LYRM4: variants seen among roughly 807,000 people sequenced by gnomAD.
LYRM4 encodes LYR motif containing 4.
Under a neutral mutation model 11.7 loss-of-function variants are expected in LYRM4, and 9 were observed. The observed-to-expected ratio is 0.77, with a 90% CI of 0.46 to 1.34. LYRM4 has a LOEUF of 1.34. Among genes scored for constraint, LYRM4 ranks in the 40% most tolerant of loss-of-function variants. The pLI, the probability that LYRM4 is intolerant of heterozygous loss-of-function variation, is 0.00. For synonymous variants in LYRM4, 42 were observed against 40.4 expected, an observed-to-expected ratio of 1.04 and a Z score of -0.15; for missense variants, 133 against 112.5, an observed-to-expected ratio of 1.18 and a Z score of -0.82.
At chr6:5,182,172 T>TC (rs1308104392) in intron 2 of LYRM4, among the ~76,000 whole-genome samples, 1 of 152,226 alleles carries the variant, frequency 6.6e-6, no homozygotes, top group East Asian at 1.9e-4. Context: ...CTATTTTTTT[T>TC]CTTTTGTTTT....
chr6:5,086,303 A>C, the LYRM4 span: 42 of 1,535,564 alleles, frequency 2.7e-5, no homozygotes, highest in Non-Finnish European at 3.7e-5. Flanking sequence ...GAGCCGCTGG[A>C]GCCACAGCAG....
chr6:5,036,893 T>C, the LYRM4 span, among the ~76,000 whole-genome samples: 6 of 152,228 alleles, frequency 3.9e-5, no homozygotes, highest in Admixed American at 1.3e-4. Flanking sequence ...CAGAAACTGA[T>C]GCCTGAGAAG....
At chr6:5,241,583 G>C (rs1057189457) in intron 1 of LYRM4, among the ~76,000 whole-genome samples, 1 of 152,200 alleles carries the variant, frequency 6.6e-6, no homozygotes, top group Non-Finnish European at 1.5e-5. Flanking sequence ...ACTGCCTCCA[G>C]TGTATTCAGT....
intron 1 of LYRM4, among the ~76,000 whole-genome samples, chr6:5,256,277 G>A (rs947071772): frequency 6.6e-6 from 1 of 151,672 alleles, no homozygotes; most frequent in Non-Finnish European, 1.5e-5. Context: ...ATCACCTTAG[G>A]TCAGGAGTTC....
intron 2 of LYRM4, among the ~76,000 whole-genome samples, chr6:5,155,480 A>G (rs1306255000): frequency 1.3e-5 from 2 of 152,208 alleles, no homozygotes; most frequent in African/African-American, 4.8e-5. Context: ...GAGATCATAT[A>G]CACAGAAGGA....
the LYRM4 span, among the ~76,000 whole-genome samples, chr6:5,077,384 G>C: frequency 6.6e-6 from 1 of 152,200 alleles, no homozygotes; most frequent in Non-Finnish European, 1.5e-5. Context: ...AATGAAGGGC[G>C]TTCCTCCCAG....
At chr6:5,048,912 C>A in the LYRM4 span, among the ~76,000 whole-genome samples, 1 of 152,128 alleles carries the variant, frequency 6.6e-6, no homozygotes, top group African/African-American at 2.4e-5. Context: ...GAAGAATTAG[C>A]AGGACTTGTT....
chr6:5,109,618 A>T (rs1762785956), intron 2 of LYRM4, 127 bp from the exon 3 acceptor site: 1 of 912,020 alleles, frequency 1.1e-6, no homozygotes, highest in East Asian at 2.6e-5. Context: ...CCTTCCGGCA[A>T]CTGCACTGCG....
chr6:5,221,223 A>G (rs1275941896), intron 1 of LYRM4, among the ~76,000 whole-genome samples: 6 of 152,074 alleles, frequency 3.9e-5, no homozygotes, highest in Non-Finnish European at 7.4e-5. Flanking sequence ...CATTTTTCTT[A>G]TTCATAAGAT....
intron 2 of LYRM4, among the ~76,000 whole-genome samples, chr6:5,185,604 A>C (rs1321491486): frequency 6.6e-6 from 1 of 152,110 alleles, no homozygotes; most frequent in Non-Finnish European, 1.5e-5. Context: ...GAGCAACCCC[A>C]CAGTCCAGGA....
chr6:5,119,797 A>G (rs1225981931), intron 2 of LYRM4, among the ~76,000 whole-genome samples: 373 of 148,946 alleles, frequency 2.5e-3, no homozygotes, highest in African/African-American at 8.9e-3. Context: ...TCCATAACAA[A>G]AAAAAAAAAA....
intron 1 of LYRM4, among the ~76,000 whole-genome samples, chr6:5,237,094 T>G (rs1338574000): frequency 1.1e-4 from 17 of 152,222 alleles, no homozygotes; most frequent in African/African-American, 2.7e-4. Context: ...AGAGCTTGTA[T>G]GGGAGTGTAA....
downstream of LYRM4, chr6:5,103,590 C>T (rs1478127743): frequency 6.6e-6 from 1 of 150,936 alleles, no homozygotes; most frequent in East Asian, 1.9e-4. Flanking sequence ...TTTTCTTCAG[C>T]TTCTGCTGTT....
chr6:5,258,727 T>C (rs1764796140), intron 1 of LYRM4, among the ~76,000 whole-genome samples: 1 of 152,244 alleles, frequency 6.6e-6, no homozygotes, highest in African/African-American at 2.4e-5. Context: ...ATAATATATT[T>C]ATATTTGGAT....
At chr6:5,121,435 G>A (rs953093021) in intron 2 of LYRM4, among the ~76,000 whole-genome samples, 3 of 152,132 alleles carry the variant, frequency 2.0e-5, no homozygotes, top group African/African-American at 4.8e-5. Flanking sequence ...CTACCTCCCC[G>A]ACCCCTGATG....
chr6:5,245,123 T>C (rs867367929), intron 1 of LYRM4, among the ~76,000 whole-genome samples: 1 of 32,286 alleles, frequency 3.1e-5, no homozygotes, highest in Non-Finnish European at 5.6e-5. Context: ...AATATATATA[T>C]ATATATATAT....
chr6:5,037,084 A>G, the LYRM4 span, among the ~76,000 whole-genome samples: 1 of 9,374 alleles, frequency 1.1e-4, no homozygotes, highest in Non-Finnish European at 3.2e-4. Context: ...TCATAGGACA[A>G]TAGTGGAGGG....
At chr6:5,169,748 C>T (rs1019880893) in intron 2 of LYRM4, among the ~76,000 whole-genome samples, 1 of 152,126 alleles carries the variant, frequency 6.6e-6, no homozygotes, top group Non-Finnish European at 1.5e-5. Flanking sequence ...GCCTATTTAC[C>T]GATGATTTTT....
At chr6:5,180,147 T>C (rs1487009762) in intron 2 of LYRM4, among the ~76,000 whole-genome samples, 1 of 152,162 alleles carries the variant, frequency 6.6e-6, no homozygotes, top group African/African-American at 2.4e-5. Context: ...TGGTTACTAA[T>C]GAAATCTGAA....
Sources: allele counts gnomAD v4.1 joint callset (sites outside exome capture counted in the v4.1 genomes callset), GRCh38; gene constraint gnomAD v4.1.1; transcripts MANE v1.5; gene names NCBI Gene and HGNC (gene_info 2026-07-23, HGNC 2026-07-21).